Variants in OXR1 observed in about 807,000 individuals in gnomAD.
The protein encoded by OXR1 is oxidation resistance protein 1.
Under a neutral mutation model 104.6 loss-of-function variants are expected in OXR1, and 41 were observed. The observed-to-expected ratio is 0.39, with a 90% CI of 0.31 to 0.51. OXR1 has a LOEUF of 0.51. OXR1 is among the 20% of genes least tolerant of loss of function. OXR1 has a pLI of 0.77. For missense variants in OXR1, 955 were observed against 1,031.9 expected (o/e 0.93, Z 1.02); for synonymous variants, 348 against 348.4 (o/e 1.00, Z 0.01).
At chr8:106,488,490 T>G (rs1298649067) in intron 2 of OXR1, among the ~76,000 whole-genome samples, 3 of 152,116 alleles carry the variant, frequency 2.0e-5, no homozygotes, top group Non-Finnish European at 4.4e-5. Context: ...AGACATGAAG[T>G]CCTTGCCCAT....
At chr8:106,329,410 T>G (rs1275718609) in intron 1 of OXR1, among the ~76,000 whole-genome samples, 1 of 149,190 alleles carries the variant, frequency 6.7e-6, no homozygotes, top group African/African-American at 2.5e-5. Context: ...TGCAGTGGTG[T>G]GATCTCAGCT....
chr8:106,536,542 T>C (rs1814552084), intron 3 of OXR1, among the ~76,000 whole-genome samples: 1 of 152,168 alleles, frequency 6.6e-6, no homozygotes, highest in Non-Finnish European at 1.5e-5. Context: ...ATGAACATAG[T>C]CAGATGTAAC....
At chr8:106,687,437 T>G (rs1828843311) in intron 6 of OXR1, among the ~76,000 whole-genome samples, 1 of 152,258 alleles carries the variant, frequency 6.6e-6, no homozygotes. Context: ...TTATTCAGTT[T>G]CTACCGGGCA....
intron 3 of OXR1, among the ~76,000 whole-genome samples, chr8:106,643,874 A>G (rs1312141723): frequency 1.3e-5 from 2 of 152,204 alleles, no homozygotes; most frequent in Non-Finnish European, 2.9e-5. Flanking sequence ...CTTATGGTTA[A>G]GGTTGCGATT....
chr8:106,485,872 G>A (rs1024192655), intron 2 of OXR1, among the ~76,000 whole-genome samples: 1 of 151,392 alleles, frequency 6.6e-6, no homozygotes, highest in East Asian at 2.0e-4. Context: ...AGACAAATTT[G>A]CACAGTGTCA....
At chr8:106,425,593 C>A (rs1819084049) in intron 2 of OXR1, among the ~76,000 whole-genome samples, 2 of 152,124 alleles carry the variant, frequency 1.3e-5, no homozygotes, top group South Asian at 4.2e-4. Flanking sequence ...AAGGGACACA[C>A]CATCTGCAGT....
intron 1 of OXR1, among the ~76,000 whole-genome samples, chr8:106,287,596 T>C (rs984840203): frequency 5.9e-5 from 9 of 151,822 alleles, no homozygotes; most frequent in Admixed American, 2.6e-4. Context: ...CTTATGATAC[T>C]GCAATAGGAA....
At chr8:106,517,040 A>G (rs1812906244) in intron 2 of OXR1, among the ~76,000 whole-genome samples, 1 of 152,194 alleles carries the variant, frequency 6.6e-6, no homozygotes, top group Non-Finnish European at 1.5e-5. Flanking sequence ...TCAATTTCTC[A>G]TGAAAATGTT....
chr8:106,612,105 T>G (rs947047354), intron 3 of OXR1, among the ~76,000 whole-genome samples: 8 of 152,048 alleles, frequency 5.3e-5, no homozygotes, highest in Non-Finnish European at 1.0e-4. Context: ...TTCAGTTTTT[T>G]TTTGTATTTG....
At chr8:106,435,075 G>A (rs1163600061) in intron 2 of OXR1, among the ~76,000 whole-genome samples, 1 of 152,154 alleles carries the variant, frequency 6.6e-6, no homozygotes, top group Non-Finnish European at 1.5e-5. Context: ...GTCAAGATAA[G>A]AGCTGAATGA....
intron 11 of OXR1, among the ~76,000 whole-genome samples, chr8:106,730,068 T>A (rs951578827): frequency 1.1e-4 from 17 of 152,178 alleles, no homozygotes; most frequent in Non-Finnish European, 4.4e-5. Context: ...TAACTTTTTT[T>A]AATTATAATA....
chr8:106,715,976 C>T (rs1394526802), intron 11 of OXR1, among the ~76,000 whole-genome samples: 1 of 152,126 alleles, frequency 6.6e-6, no homozygotes, highest in Non-Finnish European at 1.5e-5. Flanking sequence ...GCAGCACTAG[C>T]CATATGTGGC....
At chr8:106,448,795 CA>C (rs1326260200) in intron 2 of OXR1, among the ~76,000 whole-genome samples, 1 of 152,138 alleles carries the variant, frequency 6.6e-6, no homozygotes, top group African/African-American at 2.4e-5. Flanking sequence ...CCCCCAGAAG[CA>C]AACTACCTTT....
At position 106,366,834 on chromosome 8, in the gene OXR1, A is replaced by C. The variant is rs563740310; in HGVS notation, c.23+7198A>C. 4.6e-5 allele frequency among the ~76,000 whole-genome samples: 7 copies of C among 152,202 alleles called. No individual in the cohort carries two copies. The East Asian group carries it at 1.4e-3, about 29-fold the overall frequency. On this transcript the variant is annotated intron_variant, in intron 2 of 16. Coordinates refer to ENST00000517566, the MANE Select transcript of OXR1 (RefSeq NM_001198533.2). ...GAGAAGAGACAGAGTAGAGTAACTC[A>C]AGTTTAGGGGAGCATAAATTAAGAG...
chr8:106,386,523 G>A lies in OXR1; in HGVS notation c.23+26887G>A, dbSNP rs114610207. On this transcript the variant is annotated intron_variant, in intron 2 of 16. Coordinates refer to ENST00000517566, the MANE Select transcript of OXR1 (RefSeq NM_001198533.2). ...ATAACTAAACCAAAATAATTAAGGA[G>A]AGCCCAAATGAACATTGCCTGTTAT... is the stretch of plus-strand genomic sequence containing the variant. Among the ~76,000 whole-genome samples, 705 of 152,242 alleles carry A rather than the reference G, an allele frequency of 4.6e-3. 4 individuals are homozygous for A. Among genetic ancestry groups the A allele is most frequent in the African/African-American group, 0.016 (663 of 41,540 alleles).
intron 3 of OXR1, among the ~76,000 whole-genome samples, chr8:106,617,239 A>G (rs537287285): frequency 8.1e-4 from 124 of 152,324 alleles, no homozygotes; most frequent in African/African-American, 2.9e-3. Context: ...CACTGACAAC[A>G]TAATGAAACC....
chr8:106,312,942 A>G (rs879529573), intron 1 of OXR1, among the ~76,000 whole-genome samples: 17 of 152,146 alleles, frequency 1.1e-4, no homozygotes, highest in Non-Finnish European at 2.4e-4. Context: ...TCTGTTTGGA[A>G]GGGCTAATGT....
At chr8:106,298,458 CAT>C (rs1225089324) in intron 1 of OXR1, among the ~76,000 whole-genome samples, 9 of 152,146 alleles carry the variant, frequency 5.9e-5, no homozygotes, top group Admixed American at 4.6e-4. Flanking sequence ...CCTCCCACGA[CAT>C]GTGGGGATTA....
intron 3 of OXR1, among the ~76,000 whole-genome samples, chr8:106,527,778 G>A (rs1330846829): frequency 6.6e-6 from 1 of 152,154 alleles, no homozygotes; most frequent in Non-Finnish European, 1.5e-5. Context: ...TAGAGTGAGT[G>A]GAATTAAGTC....
Sources: gnomAD v4.1 joint callset for allele counts (sites outside exome capture counted in the v4.1 genomes callset) on GRCh38, gnomAD v4.1.1 for gene constraint, MANE v1.5 for transcripts, NCBI Gene and HGNC (gene_info 2026-07-23, HGNC 2026-07-21) for gene names.